FAT3: variants seen among roughly 807,000 people sequenced by gnomAD.
FAT3 encodes the protein protocadherin Fat 3.
In FAT3, 95 loss-of-function variants were observed where a neutral mutation model predicts 310.2. The observed-to-expected ratio is 0.31, with a 90% CI of 0.26 to 0.36. The LOEUF (loss-of-function observed/expected upper bound fraction) is 0.36, where lower values mean the gene tolerates loss of function less well. FAT3 is among the 10% of genes least tolerant of loss of function. The pLI is 1.00. For synonymous variants in FAT3, 2,314 were observed against 2,192.9 expected (o/e 1.06, Z -1.54); for missense variants, 5,408 against 5,715.6 (o/e 0.95, Z 1.74).
chr11:92,463,285 T>C (rs933468153), intron 2 of FAT3, among the ~76,000 whole-genome samples: 4 of 152,198 alleles, frequency 2.6e-5, no homozygotes, highest in Admixed American at 2.0e-4. Flanking sequence ...GAGAGGCAGA[T>C]ATTCTTTAGC....
At chr11:92,276,265 C>T (rs893848531) in intron 1 of FAT3, among the ~76,000 whole-genome samples, 1 of 152,068 alleles carries the variant, frequency 6.6e-6, no homozygotes, top group African/African-American at 2.4e-5. Flanking sequence ...ATTGTAAAAT[C>T]ACAGAAGTTA....
At chr11:92,856,961 C>T (rs1948995129) in intron 19 of FAT3, among the ~76,000 whole-genome samples, 1 of 152,206 alleles carries the variant, frequency 6.6e-6, no homozygotes, top group African/African-American at 2.4e-5. Context: ...GCTCTGTTTA[C>T]TCTTTGTACC....
chr11:92,864,319 G>A (rs573912180), intron 21 of FAT3, among the ~76,000 whole-genome samples: 2 of 152,276 alleles, frequency 1.3e-5, no homozygotes, highest in East Asian at 3.9e-4. Flanking sequence ...ACACCAGTTT[G>A]TAGCCACAGA....
At chr11:92,289,331 G>T (rs568541579) in intron 1 of FAT3, among the ~76,000 whole-genome samples, 34 of 151,968 alleles carry the variant, frequency 2.2e-4, no homozygotes, top group Non-Finnish European at 3.5e-4. Flanking sequence ...TATATTCAGT[G>T]ATTTTTCTCA....
intron 3 of FAT3, among the ~76,000 whole-genome samples, chr11:92,526,507 A>T (rs1953869969): frequency 6.6e-6 from 1 of 152,098 alleles, no homozygotes; most frequent in African/African-American, 2.4e-5. Context: ...CCCTTTTTTT[A>T]AAGAATTTAA....
chr11:92,701,872 T>G (rs1232078695), intron 4 of FAT3, among the ~76,000 whole-genome samples: 1 of 152,228 alleles, frequency 6.6e-6, no homozygotes. Context: ...TGTGTTTTTT[T>G]GTTGTTTTGG....
Position 92,480,790 on chromosome 11 carries a change from C to T in FAT3, c.3293-43844C>T, listed in dbSNP as rs116452225. On this transcript the variant is annotated intron_variant, in intron 2 of 27. Transcript: ENST00000525166. ...TGCTGATTTTGGCTTTAGTGGAATA[C>T]TTCCATTGGATGCTGCATGACCAGA... Among the ~76,000 whole-genome samples, 124 of 152,268 alleles carry T rather than the reference C, an allele frequency of 8.1e-4. 2 individuals carry two copies. The highest frequency in any genetic ancestry group is 2.8e-3 in the African/African-American group (117 of 41,552).
chr11:92,283,126 G>A (rs1314871695), intron 1 of FAT3, among the ~76,000 whole-genome samples: 1 of 152,080 alleles, frequency 6.6e-6, no homozygotes, highest in African/African-American at 2.4e-5. Context: ...TCTGTCTACA[G>A]CCCAGCCCGA....
intron 3 of FAT3, among the ~76,000 whole-genome samples, chr11:92,557,954 A>G (rs1487039526): frequency 1.3e-5 from 2 of 152,212 alleles, no homozygotes; most frequent in African/African-American, 4.8e-5. Context: ...CTTGCCACAT[A>G]TTATATGAGC....
At chr11:92,445,258 T>C (rs1266409951) in intron 2 of FAT3, among the ~76,000 whole-genome samples, 2 of 152,230 alleles carry the variant, frequency 1.3e-5, no homozygotes, top group Non-Finnish European at 2.9e-5. Context: ...CAAGCCCAGC[T>C]GTGTTTTAGA....
In FAT3 at chr11:92,806,617, C is replaced by A. The variant is rs575713104; in HGVS notation, c.9247+102C>A. ...TAGTAAATAGTTAGTAGTATACTTA[C>A]TCTTATAGGGATGGAGGGAAATTTT... On this transcript the variant is annotated intron_variant, in intron 12 of 27. Transcript: ENST00000525166. 183 of 991,786 alleles carry A rather than the reference C, an allele frequency of 1.8e-4. No individual in the cohort carries two copies. In the South Asian group the frequency reaches 3.5e-3, roughly 19 times the overall value. 61.4% of individuals were successfully genotyped at this position (991,786 alleles called of 1,614,324 possible). A position where few individuals can be genotyped will look rare whatever the true frequency, so the allele number is the denominator to read the frequency against.
intron 3 of FAT3, among the ~76,000 whole-genome samples, chr11:92,664,278 GTAT>G (rs1438167059): frequency 6.6e-6 from 1 of 152,156 alleles, no homozygotes; most frequent in East Asian, 1.9e-4. Flanking sequence ...CTAATCTATT[GTAT>G]TGTAATGAGC....
At chr11:92,357,440 G>C (rs533978808) in intron 2 of FAT3, among the ~76,000 whole-genome samples, 12 of 152,310 alleles carry the variant, frequency 7.9e-5, no homozygotes, top group African/African-American at 1.7e-4. Context: ...GCTAAAATCT[G>C]TAAGTCAATA....
At chr11:92,570,206 CA>C (rs1955623543) in intron 3 of FAT3, among the ~76,000 whole-genome samples, 3 of 152,322 alleles carry the variant, frequency 2.0e-5, no homozygotes, top group Admixed American at 1.3e-4. Context: ...CATTCCCTCA[CA>C]GTGCTTTCCA....
chr11:92,602,077 ATT>A (rs113205477), intron 3 of FAT3, among the ~76,000 whole-genome samples: 1 of 145,978 alleles, frequency 6.9e-6, no homozygotes, highest in Non-Finnish European at 1.5e-5. Context: ...ACCTTAATTA[ATT>A]TTTTTTTTTT....
chr11:92,865,165 T>G (rs1949209182), intron 21 of FAT3, among the ~76,000 whole-genome samples: 1 of 152,230 alleles, frequency 6.6e-6, no homozygotes, highest in South Asian at 2.1e-4. Flanking sequence ...TTATGTGGCA[T>G]GACCTACGAA....
chr11:92,749,303 C>CAT (rs1378523011), intron 4 of FAT3, among the ~76,000 whole-genome samples: 1 of 152,082 alleles, frequency 6.6e-6, no homozygotes, highest in Non-Finnish European at 1.5e-5. Context: ...CACACACACA[C>CAT]ACAGATACAC....
At chr11:92,376,963 A>T (rs1269242882) in intron 2 of FAT3, among the ~76,000 whole-genome samples, 1 of 152,206 alleles carries the variant, frequency 6.6e-6, no homozygotes, top group African/African-American at 2.4e-5. Context: ...GAAGGTAATG[A>T]TTATGTCCAG....
intron 1 of FAT3, among the ~76,000 whole-genome samples, chr11:92,282,894 T>C (rs1946467265): frequency 6.6e-6 from 1 of 152,120 alleles, no homozygotes; most frequent in African/African-American, 2.4e-5. Flanking sequence ...GACCAGGCAA[T>C]TGAAAATTGA....
Sources: allele counts gnomAD v4.1 joint callset (sites outside exome capture counted in the v4.1 genomes callset), GRCh38; gene constraint gnomAD v4.1.1; transcripts MANE v1.5; gene names NCBI Gene and HGNC (gene_info 2026-07-23, HGNC 2026-07-21).